ACTN1: variants seen among roughly 807,000 people sequenced by gnomAD.
ACTN1 encodes the protein alpha-actinin-1.
Under a neutral mutation model 119.6 loss-of-function variants are expected in ACTN1, and 30 were observed. The ratio of observed to expected loss-of-function variants is 0.25; its 90% CI spans 0.19 to 0.34. The LOEUF (loss-of-function observed/expected upper bound fraction) is 0.34. Among genes scored for constraint, ACTN1 ranks in the 10% least tolerant of loss-of-function variants. The probability of loss-of-function intolerance (pLI) is 1.00; values close to 1 mark genes in which losing one functional copy is unlikely to be tolerated. For missense variants in ACTN1, 764 were observed against 1,223.4 expected (o/e 0.62, Z 5.60); for synonymous variants, 429 against 472.6 (o/e 0.91, Z 1.20).
chr14:68,876,984 G>C, intron 21 of ACTN1, 98 bp downstream of exon 21: 1 of 1,421,980 alleles, frequency 7.0e-7, no homozygotes, highest in Non-Finnish European at 9.5e-7. Flanking sequence ...TGGAAGAAGG[G>C]GCGGTTGAGG....
At chr14:68,920,771 A>T (rs1381166584) in intron 3 of ACTN1, among the ~76,000 whole-genome samples, 5 of 152,212 alleles carry the variant, frequency 3.3e-5, no homozygotes, top group Admixed American at 3.3e-4. Context: ...GTGGCTAAGC[A>T]GGTGCAGGCA....
Position 68,909,856 on chromosome 14 carries a change from C to T in ACTN1, c.515+99G>A. 2.0e-6 allele frequency: 2 copies of T among 1,017,602 alleles called. No homozygotes were observed. The highest frequency in any genetic ancestry group is 3.2e-5 in the African/African-American group (2 of 62,092). 63.0% of individuals were successfully genotyped at this position (1,017,602 alleles called of 1,614,324 possible). A position where few individuals can be genotyped will look rare whatever the true frequency, so the allele number is the denominator to read the frequency against. On this transcript the variant is annotated intron_variant, in intron 5 of 21. Transcript: ENST00000394419. This position sits in a 1 kb window ranked among gnomAD's most constrained non-coding sequence, Gnocchi z 4.1. ...CTACTTCTTCCCCCAGAGGTCTCCA[C>T]TTTGTTCTAAAGCTGAGACTGACCC...
intron 1 of ACTN1, among the ~76,000 whole-genome samples, chr14:68,957,837 T>C (rs2268972): frequency 0.28 from 41,865 of 152,060 alleles, 5,947 homozygotes; most frequent in Admixed American, 0.31. Context: ...GCCCAGAGAA[T>C]GTCTGGTTCA....
intron 1 of ACTN1, among the ~76,000 whole-genome samples, chr14:68,930,463 C>G (rs1007234245): frequency 6.6e-6 from 1 of 152,116 alleles, no homozygotes. Context: ...CAGAAGATTA[C>G]CCCAGAAGCA....
At position 68,874,871 on chromosome 14, in the gene ACTN1, C is replaced by G; in HGVS notation, c.2733G>C (p.Glu911Asp). 3 of 1,586,612 alleles carry G rather than the reference C, an allele frequency of 1.9e-6. No individual in the cohort carries two copies. Among genetic ancestry groups the G allele is most frequent in the Non-Finnish European group, 2.6e-6 (3 of 1,159,744 alleles). ...YMSFSTALYG[E>D]SDL The stretch of plus-strand genomic sequence containing the variant: ...CGGGCGGGGTGGATTAGAGGTCACT[C>G]TCGCCGTACAGCGCCGTGGAGAAGG... Residue 911 changes from glutamate to aspartate, a missense_variant, in exon 22 of 22, where the codon GAG (glutamate) becomes GAC (aspartate). Physicochemically the swap from Glu to Asp is conservative, Grantham distance 45. Around this residue, in one of 4 missense-constraint regions of ACTN1, gnomAD observed 102 missense variants for 78.2 expected, o/e 1.30. Transcript: ENST00000394419.
At chr14:68,935,703 T>C (rs2035470276) in intron 1 of ACTN1, among the ~76,000 whole-genome samples, 1 of 152,290 alleles carries the variant, frequency 6.6e-6, no homozygotes, top group South Asian at 2.1e-4. Flanking sequence ...TCTATTCTGA[T>C]GTTTAAGCCT....
chr14:68,892,341 G>T (rs1229408423), intron 9 of ACTN1, 58 bp from the exon 10 acceptor site: 2 of 1,542,344 alleles, frequency 1.3e-6, no homozygotes, highest in Non-Finnish European at 1.8e-6. Context: ...AGTGTGCTAG[G>T]GCCAGCCTCC....
intron 21 of ACTN1, 38 bp downstream of exon 21, chr14:68,877,044 T>TGCCACCCCAGCACAGTGCCC: frequency 1.2e-6 from 2 of 1,610,196 alleles, no homozygotes; most frequent in Non-Finnish European, 1.7e-6. Context: ...AGCCAGTGCC[T>TGCCACCCCAGCACAGTGCCC]GCCACCCCAG....
At chr14:68,924,332 T>TA (rs368774036) in intron 2 of ACTN1, among the ~76,000 whole-genome samples, 8 of 151,574 alleles carry the variant, frequency 5.3e-5, no homozygotes, top group East Asian at 1.9e-4. Flanking sequence ...AAACTACTTT[T>TA]AAAAAAAAAG....
chr14:68,909,283 G>A lies in ACTN1; in HGVS notation c.594+35C>T. On this transcript the variant is annotated intron_variant, in intron 6 of 21. Coordinates refer to ENST00000394419, the MANE Select transcript of ACTN1 (RefSeq NM_001130004.2). This position sits in a 1 kb window ranked among gnomAD's most constrained non-coding sequence, Gnocchi z 4.1. ...GCTCTTTTCCCACCCCACCTGCCAGGGACCCAAAGCGGGTGGTCAGGTGGG... is the reference window on the plus strand; with the variant it reads ...GCTCTTTTCCCACCCCACCTGCCAGAGACCCAAAGCGGGTGGTCAGGTGGG... 6.2e-7 allele frequency: 1 copy of A among 1,605,704 alleles called. No individual in the cohort carries two copies. The highest frequency in any genetic ancestry group is 8.5e-7 in the Non-Finnish European group (1 of 1,173,124).
chr14:68,955,212 C>T (rs1366358133), intron 1 of ACTN1, among the ~76,000 whole-genome samples: 1 of 152,180 alleles, frequency 6.6e-6, no homozygotes. Flanking sequence ...AAATGAACCC[C>T]AGGTGTGGAG....
intron 1 of ACTN1, among the ~76,000 whole-genome samples, chr14:68,938,348 G>C (rs2035623546): frequency 6.6e-6 from 1 of 152,096 alleles, no homozygotes. Context: ...CAGAGTAGGG[G>C]GGACTGGGGG....
intron 3 of ACTN1, among the ~76,000 whole-genome samples, chr14:68,914,849 C>T (rs1246688890): frequency 2.0e-5 from 3 of 152,174 alleles, no homozygotes; most frequent in Non-Finnish European, 4.4e-5. Context: ...AAGGCCACCA[C>T]ACTAGAAGTG....
At chr14:68,897,323 C>T (rs900310368) in intron 8 of ACTN1, among the ~76,000 whole-genome samples, 2 of 151,946 alleles carry the variant, frequency 1.3e-5, no homozygotes, top group African/African-American at 4.8e-5. Context: ...TTAAGCTGCG[C>T]TATTATACAA....
chr14:68,896,092 A>C (rs1231502707), intron 8 of ACTN1, among the ~76,000 whole-genome samples: 1 of 152,128 alleles, frequency 6.6e-6, no homozygotes, highest in Non-Finnish European at 1.5e-5. Context: ...GAGACACAAG[A>C]GTGCTTTCTG....
intron 8 of ACTN1, among the ~76,000 whole-genome samples, chr14:68,901,270 CAG>C (rs1322620200): frequency 3.4e-4 from 38 of 111,038 alleles, no homozygotes; most frequent in African/African-American, 1.3e-3. Context: ...TTTTTTGAGA[CAG>C]AGTCTGACTC....
At chr14:68,881,982 C>T (rs2031575780) in intron 16 of ACTN1, among the ~76,000 whole-genome samples, 1 of 123,554 alleles carries the variant, frequency 8.1e-6, no homozygotes, top group Non-Finnish European at 1.6e-5. Context: ...GTTGCCCAAG[C>T]TGCAGTGCAA....
At chr14:68,955,281 G>A (rs1490605540) in intron 1 of ACTN1, among the ~76,000 whole-genome samples, 1 of 152,186 alleles carries the variant, frequency 6.6e-6, no homozygotes, top group African/African-American at 2.4e-5. Flanking sequence ...CCCATTGCCT[G>A]GGAATGTCTC....
chr14:68,976,645 C>T (rs1466100407), intron 1 of ACTN1, among the ~76,000 whole-genome samples: 2 of 152,194 alleles, frequency 1.3e-5, no homozygotes, highest in African/African-American at 4.8e-5. Flanking sequence ...GCTCTGGCTG[C>T]GAGGCCCAGC....
Sources: allele counts gnomAD v4.1 joint callset (sites outside exome capture counted in the v4.1 genomes callset), GRCh38; gene constraint gnomAD v4.1.1; regional missense constraint gnomAD v4.1.1; non-coding constraint Gnocchi (gnomAD v3.1); transcripts MANE v1.5; gene names NCBI Gene and HGNC (gene_info 2026-07-23, HGNC 2026-07-21).